The following PAPPA variants were observed in gnomAD, a reference collection of about 807,000 sequenced individuals.
The protein encoded by PAPPA is pappalysin-1.
Under a neutral mutation model 164.0 loss-of-function variants are expected in PAPPA, and 60 were observed. The observed-to-expected ratio is 0.37, with a 90% CI of 0.30 to 0.45. PAPPA has a LOEUF of 0.45. Ranked by LOEUF, PAPPA falls within the 20% of genes least tolerant of loss-of-function variation. PAPPA has a pLI of 1.00. For missense variants in PAPPA, 1,782 were observed against 2,087.3 expected, an observed-to-expected ratio of 0.85 and a Z score of 2.85; for synonymous variants, 875 against 814.1, an observed-to-expected ratio of 1.07 and a Z score of -1.27.
rs1029978498 is a variant in PAPPA, at chr9:116,402,032, A to T, written c.*5416A>T. On this transcript the variant is annotated 3_prime_UTR_variant, in exon 22 of 22. Coordinates refer to ENST00000328252, the MANE Select transcript of PAPPA (RefSeq NM_002581.5). Reference sequence around the variant, plus strand: ...ATCTTTTGGCAATATATAAAAATGTAAATAGTAAACTTTATTTATTAAGAA... The same window carrying T: ...ATCTTTTGGCAATATATAAAAATGTTAATAGTAAACTTTATTTATTAAGAA... 2 of 152,474 alleles carry T rather than the reference A, an allele frequency of 1.3e-5. No individual in the cohort carries two copies. Among genetic ancestry groups the T allele is most frequent in the South Asian group, 2.1e-4 (1 of 4,828 alleles). The allele number at this position is 152,474 out of a possible 1,614,324, so 9.4% of individuals were successfully genotyped here.
At chr9:116,156,071 A>G (rs2118966161) in intron 1 of PAPPA, among the ~76,000 whole-genome samples, 1 of 151,734 alleles carries the variant, frequency 6.6e-6, no homozygotes, top group South Asian at 2.1e-4. Context: ...TCTCTTTCCA[A>G]ACATGTGAAA....
intron 5 of PAPPA, among the ~76,000 whole-genome samples, chr9:116,222,413 C>T (rs1220763561): frequency 6.6e-6 from 1 of 152,102 alleles, no homozygotes; most frequent in Admixed American, 6.6e-5. Flanking sequence ...GCATTTTCAA[C>T]TTACCGTATT....
intron 7 of PAPPA, among the ~76,000 whole-genome samples, chr9:116,253,833 A>T (rs1201859867): frequency 6.6e-6 from 1 of 152,214 alleles, no homozygotes; most frequent in Admixed American, 6.5e-5. Flanking sequence ...TAGAATATAA[A>T]AATATCTAGC....
intron 6 of PAPPA, among the ~76,000 whole-genome samples, chr9:116,232,764 G>T (rs531547687): frequency 1.4e-4 from 21 of 152,240 alleles, no homozygotes; most frequent in Non-Finnish European, 2.2e-4. Flanking sequence ...TACATCTAAG[G>T]GTTTGTCTCT....
intron 1 of PAPPA, among the ~76,000 whole-genome samples, chr9:116,179,542 C>A (rs1313113185): frequency 6.6e-6 from 1 of 152,194 alleles, no homozygotes; most frequent in Admixed American, 6.5e-5. Flanking sequence ...TTTAAGCCTC[C>A]TCCTTCCACT....
chr9:116,173,827 C>T (rs538592942), intron 1 of PAPPA, among the ~76,000 whole-genome samples: 287 of 152,330 alleles, frequency 1.9e-3, no homozygotes, highest in Non-Finnish European at 3.1e-3. Flanking sequence ...ATCAAGTAGT[C>T]TTTCTGCTGA....
At chr9:116,197,595 A>G (rs1189185942) in intron 2 of PAPPA, among the ~76,000 whole-genome samples, 3 of 152,194 alleles carry the variant, frequency 2.0e-5, no homozygotes, top group Non-Finnish European at 4.4e-5. Flanking sequence ...ATATAATGTC[A>G]TGCTTTCTAG....
At chr9:116,242,820 CT>C (rs1278665170) in intron 7 of PAPPA, among the ~76,000 whole-genome samples, 2 of 152,214 alleles carry the variant, frequency 1.3e-5, no homozygotes, top group African/African-American at 4.8e-5. Flanking sequence ...TGTATCATGA[CT>C]GCTTATTATT....
chr9:116,228,194 G>A (rs1050986868), intron 6 of PAPPA, among the ~76,000 whole-genome samples: 5 of 152,140 alleles, frequency 3.3e-5, no homozygotes, highest in African/African-American at 1.2e-4. Flanking sequence ...TTGAAATTAA[G>A]AGAAGAATAC....
intron 1 of PAPPA, among the ~76,000 whole-genome samples, chr9:116,175,750 A>G (rs111462178): frequency 6.6e-6 from 1 of 152,108 alleles, no homozygotes; most frequent in Non-Finnish European, 1.5e-5. Flanking sequence ...GGTGATAGAC[A>G]TGTACTGTCT....
At chr9:116,236,687 T>C (rs1844672395) in intron 7 of PAPPA, among the ~76,000 whole-genome samples, 1 of 152,198 alleles carries the variant, frequency 6.6e-6, no homozygotes, top group South Asian at 2.1e-4. Context: ...AAGACCATCT[T>C]ATAATGAAGC....
At chr9:116,272,830 C>A (rs139214009) in intron 9 of PAPPA, among the ~76,000 whole-genome samples, 83 of 152,290 alleles carry the variant, frequency 5.5e-4, no homozygotes, top group Middle Eastern at 3.4e-3. Flanking sequence ...CTAGTACCAA[C>A]TGTGCTGAGA....
At chr9:116,183,109 A>AT (rs888059214) in intron 1 of PAPPA, among the ~76,000 whole-genome samples, 125 of 149,128 alleles carry the variant, frequency 8.4e-4, no homozygotes, top group Middle Eastern at 6.9e-3. Flanking sequence ...AATTAGCACC[A>AT]TTTTTTTTTT....
intron 7 of PAPPA, among the ~76,000 whole-genome samples, chr9:116,264,477 C>A (rs1029197179): frequency 1.7e-4 from 26 of 152,192 alleles, no homozygotes; most frequent in African/African-American, 6.0e-4. Flanking sequence ...AAGTTGTGTT[C>A]TTTCCCAGAG....
intron 21 of PAPPA, among the ~76,000 whole-genome samples, chr9:116,391,006 A>G (rs1178918559): frequency 6.6e-6 from 1 of 152,184 alleles, no homozygotes; most frequent in East Asian, 1.9e-4. Flanking sequence ...CTTTTTACAG[A>G]TAGAGAAACT....
At chr9:116,296,635 A>C (rs1845511692) in intron 9 of PAPPA, among the ~76,000 whole-genome samples, 1 of 152,182 alleles carries the variant, frequency 6.6e-6, no homozygotes, top group Non-Finnish European at 1.5e-5. Context: ...AGGAATAGAG[A>C]AGACTTGCAA....
At chr9:116,170,333 T>C (rs996476425) in intron 1 of PAPPA, among the ~76,000 whole-genome samples, 4 of 152,128 alleles carry the variant, frequency 2.6e-5, no homozygotes, top group African/African-American at 9.7e-5. Flanking sequence ...TAAATAGAAT[T>C]TGGACCTTTT....
At chr9:116,226,944 G>A (rs1001206392) in intron 5 of PAPPA, among the ~76,000 whole-genome samples, 2 of 152,176 alleles carry the variant, frequency 1.3e-5, no homozygotes, top group Non-Finnish European at 2.9e-5. Context: ...ATTTAATCCA[G>A]CCCTCTTATT....
intron 10 of PAPPA, among the ~76,000 whole-genome samples, chr9:116,318,049 A>G (rs538462413): frequency 6.6e-6 from 1 of 152,328 alleles, no homozygotes; most frequent in East Asian, 1.9e-4. Flanking sequence ...CGCTGTTGAC[A>G]TCATTTGGGA....
Sources: allele counts gnomAD v4.1 joint callset (sites outside exome capture counted in the v4.1 genomes callset), GRCh38; gene constraint gnomAD v4.1.1; transcripts MANE v1.5; gene names NCBI Gene and HGNC (gene_info 2026-07-23, HGNC 2026-07-21).